PDE11A: variants seen among roughly 807,000 people sequenced by gnomAD.
PDE11A encodes dual 3',5'-cyclic-AMP and -GMP phosphodiesterase 11A.
A neutral mutation model predicts 100.5 loss-of-function variants in PDE11A; 100 were observed. That is an observed-to-expected ratio of 1.00 (90% CI 0.85 to 1.18). PDE11A has a LOEUF of 1.18. PDE11A is among the 50% of genes most tolerant of loss of function. The pLI, the probability that PDE11A is intolerant of heterozygous loss-of-function variation, is 0.00. For synonymous variants in PDE11A, 381 were observed against 420.8 expected (o/e 0.91, Z 1.16); for missense variants, 1,141 against 1,152.6 (o/e 0.99, Z 0.15).
At chr2:177,770,454 G>C (rs1359292113) in intron 9 of PDE11A, among the ~76,000 whole-genome samples, 1 of 152,246 alleles carries the variant, frequency 6.6e-6, no homozygotes, top group African/African-American at 2.4e-5. Context: ...ACCCCAATTC[G>C]CAGGCTCCCT....
intron 12 of PDE11A, 74 bp downstream of exon 12, chr2:177,727,584 G>A: frequency 1.1e-6 from 1 of 893,926 alleles, no homozygotes; most frequent in Non-Finnish European, 1.9e-6. Flanking sequence ...TCAGAGAAAT[G>A]GAAATGTAAA....
chr2:177,889,843 C>T (rs919832299), intron 4 of PDE11A, among the ~76,000 whole-genome samples: 1 of 151,814 alleles, frequency 6.6e-6, no homozygotes, highest in Middle Eastern at 3.2e-3. Flanking sequence ...TTTTTTATCT[C>T]ATTTCATGGA....
intron 6 of PDE11A, among the ~76,000 whole-genome samples, chr2:177,823,617 G>A (rs2105591875): frequency 6.6e-6 from 1 of 152,250 alleles, no homozygotes; most frequent in East Asian, 1.9e-4. Flanking sequence ...ACAGCCAATG[G>A]CAAACACATC....
At chr2:178,014,520 G>A in intron 1 of PDE11A, 60 bp from the exon 2 acceptor site, 1 of 1,388,340 alleles carries the variant, frequency 7.2e-7, no homozygotes. Context: ...GAGAAGGAGA[G>A]AGAGGTTTAT....
At chr2:178,001,275 AGTGTGTGTGT>A (rs57136586) in intron 2 of PDE11A, among the ~76,000 whole-genome samples, 5 of 140,652 alleles carry the variant, frequency 3.6e-5, no homozygotes, top group African/African-American at 1.0e-4. Flanking sequence ...ACAATGTGAA[AGTGTGTGTGT>A]GTGTGTGTGT....
intron 9 of PDE11A, among the ~76,000 whole-genome samples, chr2:177,788,407 A>G (rs2082573716): frequency 6.6e-6 from 1 of 150,470 alleles, no homozygotes; most frequent in Non-Finnish European, 1.5e-5. Flanking sequence ...AGGGAAATTT[A>G]TAGCACTAAA....
chr2:177,791,940 G>C (rs140523191), intron 9 of PDE11A, among the ~76,000 whole-genome samples: 87 of 152,254 alleles, frequency 5.7e-4, no homozygotes, highest in African/African-American at 1.9e-3. Flanking sequence ...CGTTGCATGT[G>C]ATAATGAGTC....
chr2:177,832,081 C>T (rs1404935609), intron 6 of PDE11A, among the ~76,000 whole-genome samples: 1 of 152,168 alleles, frequency 6.6e-6, no homozygotes, highest in African/African-American at 2.4e-5. Context: ...TAAACTGTCT[C>T]TCTAAAATAA....
Position 178,071,747 on chromosome 2 carries a change from G to A in PDE11A, c.691C>T (p.Leu231Phe), listed in dbSNP as rs2087134260. 1 of 1,613,938 alleles carries A rather than the reference G, an allele frequency of 6.2e-7. No homozygotes were observed. Among genetic ancestry groups the A allele is most frequent in the African/African-American group, 1.3e-5 (1 of 74,934 alleles). ...GAGCAGCGGTCAGCATCCACCATAA[G>A]GCAGACAAAGATGAGAATCTTGTAG... ...LSYKILIFVC[L>F]MVDADRCSLF... is the part of the protein sequence containing the mutation. Residue 231 changes from leucine (L) to phenylalanine (F), a missense_variant, in exon 1 of 20, where the codon CTT becomes TTT. Leu to Phe is a conservative substitution (Grantham distance 22). Coordinates refer to ENST00000286063, the MANE Select transcript of PDE11A (RefSeq NM_016953.4).
rs371313366 is a variant in PDE11A at position 177,697,319 on chromosome 2, T to C, written c.2345+13A>G. 162 of 1,322,534 alleles carry C rather than the reference T, an allele frequency of 1.2e-4. 1 individual carries two copies. The highest frequency in any genetic ancestry group is 3.1e-5 in the Non-Finnish European group (28 of 914,188). The allele number at this position is 1,322,534 out of a possible 1,614,324, so 81.9% of individuals were successfully genotyped here. On this transcript the variant is annotated intron_variant, in intron 15 of 19. Transcript: ENST00000286063. The stretch of plus-strand genomic sequence containing the variant: ...ACTTCCATTTGTCAAACAGATCAAA[T>C]GCCAATACCTACTCAAAGTACAGCG...
At chr2:177,919,901 T>TA (rs1208876178) in intron 2 of PDE11A, among the ~76,000 whole-genome samples, 2 of 152,024 alleles carry the variant, frequency 1.3e-5, no homozygotes, top group African/African-American at 4.8e-5. Flanking sequence ...CAAAACAGAA[T>TA]AGTACTAAGG....
At chr2:177,835,094 G>C (rs1438064) in intron 6 of PDE11A, among the ~76,000 whole-genome samples, 31,569 of 152,050 alleles carry the variant, frequency 0.21, 3,374 homozygotes, top group Middle Eastern at 0.26. Context: ...CTAGGCCCCT[G>C]TGTTAACGTG....
At chr2:178,004,845 T>C (rs2086185936) in intron 2 of PDE11A, among the ~76,000 whole-genome samples, 1 of 152,142 alleles carries the variant, frequency 6.6e-6, no homozygotes, top group Non-Finnish European at 1.5e-5. Flanking sequence ...CCTGGCTATG[T>C]CAGGTTATTA....
Position 177,887,540 on chromosome 2 carries a change from G to A in PDE11A, c.1302+10518C>T, listed in dbSNP as rs116665638. Among the ~76,000 whole-genome samples the A allele has an allele frequency of 2.9e-3, 437 of 152,264 alleles. 4 individuals carry two copies. The highest frequency in any genetic ancestry group is 0.01 in the African/African-American group (422 of 41,558). On this transcript the variant is annotated intron_variant, in intron 4 of 19. Transcript: ENST00000286063. Reference sequence around the variant, plus strand: ...ACACTTTGGGAGGCCAAAGTGGAAGGATTGCTTGAGCACAGTGGTTTGAGA... The same window carrying A: ...ACACTTTGGGAGGCCAAAGTGGAAGAATTGCTTGAGCACAGTGGTTTGAGA...
chr2:177,742,680 C>T (rs2081890802), intron 10 of PDE11A, among the ~76,000 whole-genome samples: 1 of 152,144 alleles, frequency 6.6e-6, no homozygotes, highest in South Asian at 2.1e-4. Context: ...GCTAGAGAGT[C>T]CACCCCTTGG....
intron 9 of PDE11A, among the ~76,000 whole-genome samples, chr2:177,777,405 C>T (rs545269116): frequency 2.0e-5 from 3 of 152,200 alleles, no homozygotes; most frequent in South Asian, 2.1e-4. Context: ...TCAAGAGAAT[C>T]GTTACTGTTT....
chr2:177,709,545 T>C (rs1458519318), intron 13 of PDE11A, among the ~76,000 whole-genome samples: 1 of 152,134 alleles, frequency 6.6e-6, no homozygotes, highest in Non-Finnish European at 1.5e-5. Flanking sequence ...ATGGAATAAG[T>C]GCCTGGAGAT....
chr2:177,678,918 C>G (rs1406542093), intron 16 of PDE11A, among the ~76,000 whole-genome samples: 1 of 149,568 alleles, frequency 6.7e-6, no homozygotes, highest in Non-Finnish European at 1.5e-5. Flanking sequence ...TAGAAGGATG[C>G]TGAGGAAAAA....
rs1270800765 is a variant in PDE11A at position 178,072,483 on chromosome 2, T to C, written c.-46A>G. 5 of 1,609,910 alleles carry C rather than the reference T, an allele frequency of 3.1e-6. No individual in the cohort carries two copies. Among genetic ancestry groups the C allele is most frequent in the Middle Eastern group, 1.6e-4 (1 of 6,078 alleles). Reference sequence around the variant, plus strand: ...GCCTGTTTACACGTGAACCAAATGTTTTCCTGCCCCGAGGCCTCTAGCTGT... The same window carrying C: ...GCCTGTTTACACGTGAACCAAATGTCTTCCTGCCCCGAGGCCTCTAGCTGT... On this transcript the variant is annotated 5_prime_UTR_variant, in exon 1 of 20. Coordinates refer to ENST00000286063, the MANE Select transcript of PDE11A (RefSeq NM_016953.4).
Sources: allele counts gnomAD v4.1 joint callset (sites outside exome capture counted in the v4.1 genomes callset), GRCh38; gene constraint gnomAD v4.1.1; transcripts MANE v1.5; gene names NCBI Gene and HGNC (gene_info 2026-07-23, HGNC 2026-07-21).